Variants in NRAP observed in about 807,000 individuals in gnomAD.
The protein encoded by NRAP is nebulin-related-anchoring protein.
A neutral mutation model predicts 225.9 loss-of-function variants in NRAP; 189 were observed. The observed-to-expected ratio is 0.84, with a 90% CI of 0.74 to 0.94. The LOEUF is 0.94. NRAP is among the 40% of genes least tolerant of loss of function. The pLI, the probability that NRAP is intolerant of heterozygous loss-of-function variation, is 0.00. For synonymous variants in NRAP, 769 were observed against 790.7 expected, an observed-to-expected ratio of 0.97 and a Z score of 0.46; for missense variants, 2,176 against 2,168.7, an observed-to-expected ratio of 1.00 and a Z score of -0.07.
rs768357074 is a variant in NRAP, at chr10:113,631,859, T to G, written c.1738A>C (p.Asn580His). 1.3e-6 allele frequency: 2 copies of G among 1,597,754 alleles called. No individual in the cohort carries two copies. The highest frequency in any genetic ancestry group is 1.7e-6 in the Non-Finnish European group (2 of 1,165,078). ...TGAGTTAATGAGAGGAAACGTACATTGCTAGCAAGCTCCCCAGAGGCTTTG... is the reference window on the plus strand; with the variant it reads ...TGAGTTAATGAGAGGAAACGTACATGGCTAGCAAGCTCCCCAGAGGCTTTG... Reference protein sequence around the residue: ...AAKASGELASNIKYKEEYEKT... With the variant: ...AAKASGELASHIKYKEEYEKT... The change falls in exon 17 of 42, where the codon AAT becomes CAT. Residue 580 changes from asparagine to histidine, a missense_variant and splice_region_variant. By Grantham distance (68) the Asn-to-His change is moderately conservative (BLOSUM62 1). This residue lies in a region of NRAP where 1,708 missense variants were observed against 1,695.5 expected (regional missense o/e 1.01). Transcript: ENST00000359988.
chr10:113,638,940 A>C (rs897766555), intron 14 of NRAP, among the ~76,000 whole-genome samples: 1 of 152,172 alleles, frequency 6.6e-6, no homozygotes, highest in African/African-American at 2.4e-5. Flanking sequence ...ATCTAGATAA[A>C]TGTAGTAGCA....
At chr10:113,601,044 T>A (rs1472515979) in intron 35 of NRAP, among the ~76,000 whole-genome samples, 1 of 152,178 alleles carries the variant, frequency 6.6e-6, no homozygotes, top group East Asian at 1.9e-4. Flanking sequence ...CCCAGCAGCC[T>A]GGTCTGAGAC....
chr10:113,600,155 T>TTCTCTCTCTCTCTCTCTCTCTCTCTC lies in NRAP; in HGVS notation c.4228-2108_4228-2083dup, dbSNP rs10529111. On this transcript the variant is annotated intron_variant, in intron 35 of 41. Transcript: ENST00000359988. ...ACCATCCTGCAAAGAAGGGGTTATA[T>TTCTCTCTCTCTCTCTCTCTCTCTCTC]TCTCTCTCTCTCTCTCTCTCTCTCT... Among the ~76,000 whole-genome samples the TTCTCTCTCTCTCTCTCTCTCTCTCTC allele has an allele frequency of 2.0e-3, 285 of 140,268 alleles. 7 individuals carry two copies. Among genetic ancestry groups the TTCTCTCTCTCTCTCTCTCTCTCTCTC allele is most frequent in the African/African-American group, 5.8e-3 (217 of 37,176 alleles). 92.0% of individuals were successfully genotyped at this position (140,268 alleles called of 152,430 possible). A position where few individuals can be genotyped will look rare whatever the true frequency, so the allele number is the denominator to read the frequency against.
rs528485534 is a variant in NRAP at position 113,589,538 on chromosome 10, G to A, written c.5088+128C>T. 11 of 1,142,554 alleles carry A rather than the reference G, an allele frequency of 9.6e-6. No individual in the cohort carries two copies. The African/African-American group carries it at 1.4e-4, about 14-fold the overall frequency. 70.8% of individuals were successfully genotyped at this position (1,142,554 alleles called of 1,614,324 possible). Reference sequence around the variant, plus strand: ...ACCCATGAAATTAGGCGCCTTGTTTGAGCTGCGTTTCACACTTCTTTAGAG... The same window carrying A: ...ACCCATGAAATTAGGCGCCTTGTTTAAGCTGCGTTTCACACTTCTTTAGAG... On this transcript the variant is annotated intron_variant, in intron 41 of 41. Transcript: ENST00000359988.
chr10:113,638,186 A>G (rs1013563084), intron 14 of NRAP, among the ~76,000 whole-genome samples: 1 of 152,200 alleles, frequency 6.6e-6, no homozygotes, highest in East Asian at 1.9e-4. Flanking sequence ...TTTAAATGGC[A>G]TATTTCTTCC....
At chr10:113,648,461 C>CTA (rs1233688674) in intron 9 of NRAP, among the ~76,000 whole-genome samples, 46 of 125,904 alleles carry the variant, frequency 3.7e-4, no homozygotes, top group African/African-American at 1.3e-3. Flanking sequence ...CTCTCTCTCT[C>CTA]TCTCTCTATA....
Position 113,657,480 on chromosome 10 carries a change from A to G in NRAP, c.350T>C (p.Leu117Pro). 6.4e-7 allele frequency: 1 copy of G among 1,569,700 alleles called. No individual in the cohort carries two copies. The highest frequency in any genetic ancestry group is 1.1e-5 in the South Asian group (1 of 90,016). Residue 117 changes from leucine (L) to proline (P), a missense_variant, in exon 4 of 42, where the codon CTG becomes CCG. By Grantham distance (98) the Leu-to-Pro change is moderately conservative (BLOSUM62 -3). Around this residue, in one of 3 missense-constraint regions of NRAP, gnomAD observed 1,708 missense variants for 1,695.5 expected, o/e 1.01. Coordinates refer to ENST00000359988, the MANE Select transcript of NRAP (RefSeq NM_198060.4). The part of the protein sequence containing the change: ...DKEGAPNRQP[L>P]ANERAYWTGY... ...TCACTTTTCTCTCACCTCATTTGCC[A>G]GTGGCTGCCTGTTAGGTGCACCTTC...
At chr10:113,608,802 T>C (rs763119042) in intron 31 of NRAP, among the ~76,000 whole-genome samples, 9 of 152,188 alleles carry the variant, frequency 5.9e-5, no homozygotes, top group Non-Finnish European at 1.0e-4. Context: ...TTGTTCCAGA[T>C]CTTTGCTGGA....
At chr10:113,595,783 G>A in intron 37 of NRAP, 56 bp from the exon 38 acceptor site, 4 of 1,201,328 alleles carry the variant, frequency 3.3e-6, no homozygotes, top group East Asian at 2.3e-5. Flanking sequence ...GAAACCACAG[G>A]GGAATAGCAA....
rs1246633583 is a variant in NRAP, at chr10:113,657,536, A to C, written c.294T>G (p.Val98=). 2 of 1,603,902 alleles carry C rather than the reference A, an allele frequency of 1.2e-6. No homozygotes were observed. Among genetic ancestry groups the C allele is most frequent in the Non-Finnish European group, 1.7e-6 (2 of 1,170,722 alleles). The change falls in exon 4 of 42, where the codon GTT becomes GTG. Residue 98 remains valine (V), a synonymous_variant. Coordinates refer to ENST00000359988, the MANE Select transcript of NRAP (RefSeq NM_198060.4). ...DQEDGEQCKS[V]FHWDMKSKDK... is the part of the protein sequence containing the mutation. ...CCTTGGATTTCATGTCCCAGTGAAA[A>C]ACTGATTTACACTGTTCACCATCTT...
At chr10:113,637,207 C>T (rs1224991999) in intron 14 of NRAP, among the ~76,000 whole-genome samples, 1 of 152,162 alleles carries the variant, frequency 6.6e-6, no homozygotes, top group African/African-American at 2.4e-5. Context: ...CAGCACCATT[C>T]CAAGTACATC....
chr10:113,615,787 T>C lies in NRAP; in HGVS notation c.3003A>G (p.Ile1001Met). ...DRLYREQGEN[I>M]KHHYTPTADL... Reference sequence around the variant, plus strand: ...CAGCAGTCGGTGTGTAATGATGCTTTATGTTTTCTCCTTGTTCCCTGTATA... The same window carrying C: ...CAGCAGTCGGTGTGTAATGATGCTTCATGTTTTCTCCTTGTTCCCTGTATA... The change falls in exon 27 of 42, where the codon ATA becomes ATG. Residue 1001 changes from isoleucine (I) to methionine (M), a missense_variant. Physicochemically the swap from Ile to Met is conservative, Grantham distance 10 (BLOSUM62 1). Coordinates refer to ENST00000359988, the MANE Select transcript of NRAP (RefSeq NM_198060.4). 6.2e-7 allele frequency: 1 copy of C among 1,607,610 alleles called. No individual in the cohort carries two copies. Among genetic ancestry groups the C allele is most frequent in the South Asian group, 1.1e-5 (1 of 90,904 alleles).
chr10:113,646,546 A>G (rs558700999), intron 10 of NRAP, among the ~76,000 whole-genome samples: 4 of 152,352 alleles, frequency 2.6e-5, no homozygotes, highest in East Asian at 3.9e-4. Context: ...CATTCTGCCA[A>G]TAAAAATCAT....
At chr10:113,653,895 G>A (rs1850141025) in intron 5 of NRAP, 126 bp downstream of exon 5, 3 of 730,264 alleles carry the variant, frequency 4.1e-6, no homozygotes, top group Admixed American at 1.8e-5. Flanking sequence ...CAGGGATTAG[G>A]ACATGGGTAT....
Position 113,651,838 on chromosome 10 carries a change from G to A in NRAP, c.640C>T (p.Leu214=). 1.2e-6 allele frequency: 2 copies of A among 1,613,128 alleles called. No individual in the cohort carries two copies. Among genetic ancestry groups the A allele is most frequent in the Non-Finnish European group, 1.7e-6 (2 of 1,179,216 alleles). The change falls in exon 7 of 42, where the codon CTA becomes TTA. Residue 214 remains leucine (L), a synonymous_variant. Coordinates refer to ENST00000359988, the MANE Select transcript of NRAP (RefSeq NM_198060.4). ...FSTVVDTPEL[L]RSKAGAQLQS... ...AGCTGTGCCCCAGCCTTGCTCCGTA[G>A]CAGCTCAGGAGTATCCACCACCGTG...
intron 18 of NRAP, among the ~76,000 whole-genome samples, chr10:113,631,088 C>T (rs766878827): frequency 6.6e-6 from 1 of 152,146 alleles, no homozygotes; most frequent in Non-Finnish European, 1.5e-5. Context: ...TATTTGAATA[C>T]CATAAGTGTT....
intron 19 of NRAP, 146 bp downstream of exon 19, chr10:113,629,442 C>A: frequency 1.6e-6 from 1 of 635,206 alleles, no homozygotes; most frequent in South Asian, 1.9e-5. Flanking sequence ...TCCCCATCTG[C>A]CCTTTCTGGC....
In NRAP at chr10:113,589,863, AAAG is replaced by A. The variant is rs1564688068; in HGVS notation, c.4957-69_4957-67del. ...GTTTGGAGCGGTTTGACCATTAAGT[AAAG>A]AAGATTAAAAAGGCAGCCACAGTAT... On this transcript the variant is annotated intron_variant, in intron 40 of 41. Coordinates refer to ENST00000359988, the MANE Select transcript of NRAP (RefSeq NM_198060.4). 9.6e-6 allele frequency: 15 copies of A among 1,554,862 alleles called. No homozygotes were observed. The East Asian group carries it at 3.4e-4, about 35-fold the overall frequency.
At position 113,663,977 on chromosome 10, in the gene NRAP, A is replaced by G. The variant is rs889547052; in HGVS notation, c.-95T>C. Reference sequence around the variant, plus strand: ...TTCAAGTCTTCAAAATCCGACGACCATAAAATTCCTGTGGGCACCTCGATC... The same window carrying G: ...TTCAAGTCTTCAAAATCCGACGACCGTAAAATTCCTGTGGGCACCTCGATC... On this transcript the variant is annotated 5_prime_UTR_variant, in exon 1 of 42. The change abolishes an upstream ATG in the 5' untranslated region. Transcript: ENST00000359988. The G allele has an allele frequency of 3.2e-6, 3 of 942,498 alleles. No homozygotes were observed. The highest frequency in any genetic ancestry group is 2.7e-5 in the South Asian group (2 of 74,580). 58.4% of individuals were successfully genotyped at this position (942,498 alleles called of 1,614,324 possible). A position where few individuals can be genotyped will look rare whatever the true frequency, so the allele number is the denominator to read the frequency against.
Sources: allele counts gnomAD v4.1 joint callset (sites outside exome capture counted in the v4.1 genomes callset), GRCh38; gene constraint gnomAD v4.1.1; regional missense constraint gnomAD v4.1.1; transcripts MANE v1.5; gene names NCBI Gene and HGNC (gene_info 2026-07-23, HGNC 2026-07-21).